Variants in SMIM14 observed in about 807,000 individuals in gnomAD.
The protein encoded by SMIM14 is chromosome 4 open reading frame 34.
SMIM14 carries 5 observed loss-of-function variants against 12.6 expected under a neutral mutation model. The observed-to-expected ratio is 0.40, with a 90% CI of 0.21 to 0.83. SMIM14 has a LOEUF of 0.83. Among genes scored for constraint, SMIM14 ranks in the 40% least tolerant of loss-of-function variants. The pLI is 0.37. For synonymous variants in SMIM14, 30 were observed against 40.1 expected (o/e 0.75, Z 0.95); for missense variants, 86 against 119.1 (o/e 0.72, Z 1.29).
At chr4:39,637,982 C>G (rs1716164063) in intron 1 of SMIM14, among the ~76,000 whole-genome samples, 2 of 152,198 alleles carry the variant, frequency 1.3e-5, no homozygotes, top group African/African-American at 4.8e-5. Context: ...GTTTTGCCAA[C>G]TGGGGCAACT....
intron 3 of SMIM14, among the ~76,000 whole-genome samples, chr4:39,565,825 TG>T (rs777365952): frequency 3.4e-4 from 51 of 152,062 alleles, no homozygotes; most frequent in Middle Eastern, 3.4e-3. Context: ...GATTGAATTA[TG>T]GGGGGCGGGC....
At chr4:39,614,866 C>T (rs754986850) in intron 1 of SMIM14, among the ~76,000 whole-genome samples, 2 of 152,132 alleles carry the variant, frequency 1.3e-5, no homozygotes, top group Non-Finnish European at 2.9e-5. Flanking sequence ...AAGCAATTCC[C>T]CTTATTCTGC....
intron 1 of SMIM14, among the ~76,000 whole-genome samples, chr4:39,618,665 CA>C (rs1334213228): frequency 1.5e-4 from 17 of 112,676 alleles, no homozygotes; most frequent in Admixed American, 1.9e-4. Context: ...AAAAAAAAAA[CA>C]AAAAAAAAAA....
chr4:39,622,638 T>C (rs1715545300), intron 1 of SMIM14, among the ~76,000 whole-genome samples: 1 of 152,182 alleles, frequency 6.6e-6, no homozygotes, highest in Admixed American at 6.5e-5. Flanking sequence ...TGACCTCAAG[T>C]GATCCGCCGC....
At chr4:39,619,774 AATTT>A (rs1403049437) in intron 1 of SMIM14, among the ~76,000 whole-genome samples, 20 of 139,358 alleles carry the variant, frequency 1.4e-4, no homozygotes, top group African/African-American at 4.2e-4. Flanking sequence ...ATCAATAAAT[AATTT>A]ATTATATATA....
intron 2 of SMIM14, chr4:39,593,290 C>T (rs971282672): frequency 6.6e-6 from 1 of 152,044 alleles, no homozygotes; most frequent in African/African-American, 2.4e-5. Context: ...TAAACAGAAC[C>T]AAAGACAAAA....
chr4:39,624,816 G>GGA (rs1553867135), intron 1 of SMIM14, among the ~76,000 whole-genome samples: 3 of 110,280 alleles, frequency 2.7e-5, no homozygotes, highest in African/African-American at 1.1e-4. Context: ...ACACCATCTC[G>GGA]AAAAAAAAAA....
At chr4:39,564,185 G>T (rs1008891891) in intron 3 of SMIM14, among the ~76,000 whole-genome samples, 3 of 152,182 alleles carry the variant, frequency 2.0e-5, no homozygotes, top group South Asian at 4.1e-4. Context: ...ATAGGTTTCC[G>T]CTGGGGAAAG....
intron 2 of SMIM14, among the ~76,000 whole-genome samples, chr4:39,600,375 C>T (rs1714551329): frequency 6.6e-6 from 1 of 151,910 alleles, no homozygotes; most frequent in South Asian, 2.1e-4. Flanking sequence ...TAATGAAGAA[C>T]CTTAACTGAT....
At chr4:39,604,802 G>C (rs2110057854) in intron 2 of SMIM14, among the ~76,000 whole-genome samples, 1 of 151,916 alleles carries the variant, frequency 6.6e-6, no homozygotes, top group East Asian at 1.9e-4. Flanking sequence ...GTAGAGATGG[G>C]GTTTTGCTTT....
intron 2 of SMIM14, among the ~76,000 whole-genome samples, chr4:39,602,936 T>C (rs1239607784): frequency 6.6e-6 from 1 of 152,206 alleles, no homozygotes; most frequent in Non-Finnish European, 1.5e-5. Context: ...CGTACCTTTA[T>C]TAACTGACAT....
intron 1 of SMIM14, among the ~76,000 whole-genome samples, chr4:39,621,847 C>CTT (rs34194983): frequency 4.2e-4 from 60 of 141,864 alleles, no homozygotes; most frequent in Non-Finnish European, 6.0e-4. Flanking sequence ...TCATGCTTGG[C>CTT]TTTTTTTTTT....
intron 2 of SMIM14, among the ~76,000 whole-genome samples, chr4:39,595,416 A>ACC: frequency 1.3e-5 from 1 of 75,366 alleles, no homozygotes; most frequent in African/African-American, 5.6e-5. Context: ...GGGTGGGGGG[A>ACC]GGGGGGAGGG....
Position 39,556,407 on chromosome 4 carries a change from T to C in SMIM14, c.267+21A>G, listed in dbSNP as rs199906085. 77 of 1,603,004 alleles carry C rather than the reference T, an allele frequency of 4.8e-5. No individual in the cohort carries two copies. The African/African-American group carries it at 8.0e-4, about 17-fold the overall frequency. Reference sequence around the variant, plus strand: ...CATACATTCCCTTACCCAAAAAGCATTTAAAATCTGCAACACTTACATTAT... The same window carrying C: ...CATACATTCCCTTACCCAAAAAGCACTTAAAATCTGCAACACTTACATTAT... On this transcript the variant is annotated intron_variant, in intron 4 of 4. Coordinates refer to ENST00000295958, the MANE Select transcript of SMIM14 (RefSeq NM_174921.3).
chr4:39,621,682 G>A (rs1290166978), intron 1 of SMIM14, among the ~76,000 whole-genome samples: 1 of 116,962 alleles, frequency 8.5e-6, no homozygotes, highest in Non-Finnish European at 1.7e-5. Context: ...ACAGCCAAAC[G>A]TTTCTTTTTT....
intron 3 of SMIM14, among the ~76,000 whole-genome samples, chr4:39,556,900 A>G (rs1355017033): frequency 1.3e-5 from 2 of 151,948 alleles, no homozygotes; most frequent in Non-Finnish European, 2.9e-5. Context: ...GGATCCTCTC[A>G]CCTCAGCCTC....
intron 3 of SMIM14, among the ~76,000 whole-genome samples, chr4:39,562,825 G>GTTTTTTTTTTTTTT: frequency 3.0e-4 from 38 of 128,054 alleles, no homozygotes; most frequent in African/African-American, 4.2e-4. Context: ...TGTATTTTTA[G>GTTTTTTTTTTTTTT]TAGAGACGGT....
chr4:39,580,415 A>C (rs1713437970), intron 2 of SMIM14, among the ~76,000 whole-genome samples: 1 of 152,134 alleles, frequency 6.6e-6, no homozygotes, highest in East Asian at 1.9e-4. Context: ...TCTAGGCTCA[A>C]GGAATCCTCC....
chr4:39,566,515 C>T (rs28736649), intron 3 of SMIM14, among the ~76,000 whole-genome samples: 105 of 152,088 alleles, frequency 6.9e-4, no homozygotes, highest in African/African-American at 2.4e-3. Context: ...GACAGACAGA[C>T]GCACCGAGAA....
Sources: allele counts gnomAD v4.1 joint callset (sites outside exome capture counted in the v4.1 genomes callset), GRCh38; gene constraint gnomAD v4.1.1; transcripts MANE v1.5; gene names NCBI Gene and HGNC (gene_info 2026-07-23, HGNC 2026-07-21).